SCAF8: variants seen among roughly 807,000 people sequenced by gnomAD.
The protein encoded by SCAF8 is SR-related and CTD-associated factor 8.
A neutral mutation model predicts 140.5 loss-of-function variants in SCAF8; 23 were observed. The observed-to-expected ratio is 0.16, with a 90% CI of 0.12 to 0.23. The LOEUF is 0.23. Among genes scored for constraint, SCAF8 ranks in the 10% least tolerant of loss-of-function variants. The pLI, the probability that SCAF8 is intolerant of heterozygous loss-of-function variation, is 1.00. For synonymous variants in SCAF8, 575 were observed against 528.9 expected (o/e 1.09, Z -1.20); for missense variants, 1,397 against 1,555.7 (o/e 0.90, Z 1.72).
chr6:154,807,130 C>T (rs1777941235), intron 9 of SCAF8, among the ~76,000 whole-genome samples: 1 of 152,140 alleles, frequency 6.6e-6, no homozygotes. Flanking sequence ...TGGTCTCTCT[C>T]TTAGCAGAAT....
At chr6:154,824,159 A>G (rs1367817581) in intron 16 of SCAF8, 75 bp from the exon 17 acceptor site, 13 of 1,431,422 alleles carry the variant, frequency 9.1e-6, no homozygotes, top group Admixed American at 1.9e-5. Context: ...AGAGAAATAG[A>G]ATAATTTGCC....
At position 154,810,163 on chromosome 6, in the gene SCAF8, C is replaced by A. The variant is rs1265646284; in HGVS notation, c.1375C>A (p.Arg459=). Residue 459 remains arginine, a synonymous_variant, in exon 12 of 20, where the codon CGA becomes AGA. Transcript: ENST00000367178. ...ERRAREREKE[R]QKKGLPPIRS... ...GAGAGCCAGAGAAAGGGAGAAAGAA[C>A]GACAGAAAAAGGGATTACCTCCAAT... is the stretch of plus-strand genomic sequence containing the variant. 2.5e-6 allele frequency: 4 copies of A among 1,610,894 alleles called. No individual in the cohort carries two copies. Among genetic ancestry groups the A allele is most frequent in the Admixed American group, 3.4e-5 (2 of 58,948 alleles).
At chr6:154,748,612 AAC>A (rs1318374122) in intron 1 of SCAF8, among the ~76,000 whole-genome samples, 6 of 152,120 alleles carry the variant, frequency 3.9e-5, no homozygotes, top group Admixed American at 2.0e-4. Context: ...GCTTTTCTTT[AAC>A]ATCAAGAAAT....
chr6:154,761,943 A>G (rs1776414048), intron 1 of SCAF8, among the ~76,000 whole-genome samples: 1 of 152,142 alleles, frequency 6.6e-6, no homozygotes. Context: ...TCTGTTATTT[A>G]CCTTTTACTC....
intron 5 of SCAF8, among the ~76,000 whole-genome samples, chr6:154,794,759 TG>T (rs1176203256): frequency 0.11 from 1,122 of 9,800 alleles, 79 homozygotes; most frequent in African/African-American, 0.21. Flanking sequence ...ATCCTTTTGG[TG>T]GGGGGGGGGG....
At chr6:154,775,789 A>C (rs1776900164) in intron 2 of SCAF8, among the ~76,000 whole-genome samples, 1 of 151,798 alleles carries the variant, frequency 6.6e-6, no homozygotes, top group Non-Finnish European at 1.5e-5. Flanking sequence ...GAGAATCTTT[A>C]TTATTATTAT....
At chr6:154,804,649 G>A (rs1009389909) in intron 8 of SCAF8, among the ~76,000 whole-genome samples, 3 of 152,104 alleles carry the variant, frequency 2.0e-5, no homozygotes, top group Admixed American at 6.5e-5. Flanking sequence ...TTCATTATTT[G>A]AAGACAGGTA....
intron 1 of SCAF8, among the ~76,000 whole-genome samples, chr6:154,736,979 A>C (rs1487443912): frequency 5.3e-5 from 8 of 152,052 alleles, no homozygotes; most frequent in Admixed American, 1.3e-4. Context: ...TTTTTTTTTT[A>C]AACACAAAAC....
chr6:154,827,201 G>C lies in SCAF8; in HGVS notation c.2101G>C (p.Val701Leu). Residue 701 changes from valine (V) to leucine (L), a missense_variant, in exon 18 of 20, where the codon GTT becomes CTT. Physicochemically the swap from Val to Leu is conservative, Grantham distance 32. Around this residue, in one of 5 missense-constraint regions of SCAF8, gnomAD observed 930 missense variants for 874.6 expected, o/e 1.06. Coordinates refer to ENST00000367178, the MANE Select transcript of SCAF8 (RefSeq NM_014892.5). ...CATGCCGCCTCCAGTTCCCCCACCT[G>C]TTGTGCCACCCCCTACGATTCCACC... ...GFMPPPVPPP[V>L]VPPPTIPPVV... The C allele has an allele frequency of 1.9e-6, 3 of 1,604,370 alleles. No individual in the cohort carries two copies. In the South Asian group the frequency reaches 3.4e-5, roughly 18 times the overall value.
chr6:154,753,722 G>T (rs1262223269), intron 1 of SCAF8, among the ~76,000 whole-genome samples: 2 of 152,204 alleles, frequency 1.3e-5, no homozygotes, highest in Admixed American at 6.5e-5. Flanking sequence ...GAATACGCTG[G>T]AAGGTGGCCT....
chr6:154,810,185 C>T lies in SCAF8; in HGVS notation c.1397C>T (p.Pro466Leu). ...EKERQKKGLPPIRSKTLSVCS... is the reference protein window; with the variant it reads ...EKERQKKGLPLIRSKTLSVCS... The stretch of plus-strand genomic sequence containing the variant: ...GAACGACAGAAAAAGGGATTACCTC[C>T]AATTAGATCTAAAACACTAAGTGGT... Residue 466 changes from proline (P) to leucine (L), a missense_variant, in exon 12 of 20, where the codon CCA (proline) becomes CTA (leucine). Transcript: ENST00000367178. 6.2e-7 allele frequency: 1 copy of T among 1,609,618 alleles called. No homozygotes were observed. The highest frequency in any genetic ancestry group is 1.1e-5 in the South Asian group (1 of 90,764).
intron 9 of SCAF8, among the ~76,000 whole-genome samples, chr6:154,807,680 G>A (rs1301029015): frequency 1.3e-5 from 2 of 152,156 alleles, no homozygotes; most frequent in African/African-American, 2.4e-5. Context: ...TGCCTGGCCT[G>A]TTTTTTCTTT....
At chr6:154,750,840 ATTT>A (rs935401109) in intron 1 of SCAF8, among the ~76,000 whole-genome samples, 3 of 151,788 alleles carry the variant, frequency 2.0e-5, no homozygotes, top group African/African-American at 7.3e-5. Context: ...CAATTCTGGT[ATTT>A]TTTTTGCAAA....
At chr6:154,781,032 C>T (rs776466732) in intron 3 of SCAF8, among the ~76,000 whole-genome samples, 4 of 152,028 alleles carry the variant, frequency 2.6e-5, no homozygotes, top group Admixed American at 1.3e-4. Flanking sequence ...TCACCAGCAT[C>T]GGTTGTTTCT....
At chr6:154,784,044 G>A (rs530844609) in intron 3 of SCAF8, among the ~76,000 whole-genome samples, 4 of 151,006 alleles carry the variant, frequency 2.6e-5, no homozygotes, top group African/African-American at 9.7e-5. Flanking sequence ...TCCAGCCTGG[G>A]TGACAGAGCG....
At chr6:154,773,776 A>T (rs780607206) in intron 1 of SCAF8, among the ~76,000 whole-genome samples, 3 of 152,170 alleles carry the variant, frequency 2.0e-5, no homozygotes, top group East Asian at 1.9e-4. Flanking sequence ...TACACTTGTT[A>T]CTGTCTTTTT....
At chr6:154,758,449 A>C (rs1310808739) in intron 1 of SCAF8, among the ~76,000 whole-genome samples, 1 of 152,110 alleles carries the variant, frequency 6.6e-6, no homozygotes, top group Non-Finnish European at 1.5e-5. Flanking sequence ...GCAGTGGTTT[A>C]CATGGATTGT....
At position 154,733,803 on chromosome 6, in the gene SCAF8, C is replaced by G; in HGVS notation, c.-98C>G. 2.1e-6 allele frequency: 3 copies of G among 1,433,748 alleles called. No individual in the cohort carries two copies. The highest frequency in any genetic ancestry group is 2.7e-6 in the Non-Finnish European group (3 of 1,095,784). The allele number at this position is 1,433,748 out of a possible 1,614,324, so 88.8% of individuals were successfully genotyped here. On this transcript the variant is annotated 5_prime_UTR_variant, in exon 1 of 20. Coordinates refer to ENST00000367178, the MANE Select transcript of SCAF8 (RefSeq NM_014892.5). ...GCCCGCTCTCCCGCCAGCGCCCCCTCCTCGCGGCCACGCAGCAGCCCGCGT... is the reference window on the plus strand; with the variant it reads ...GCCCGCTCTCCCGCCAGCGCCCCCTGCTCGCGGCCACGCAGCAGCCCGCGT...
At chr6:154,827,081 A>G (rs1444468659) in intron 17 of SCAF8, 91 bp from the exon 18 acceptor site, 8 of 1,042,310 alleles carry the variant, frequency 7.7e-6, no homozygotes, top group Middle Eastern at 2.0e-4. Context: ...CATTTTAAGA[A>G]TATGAAGTTT....
Sources: gnomAD v4.1 joint callset for allele counts (sites outside exome capture counted in the v4.1 genomes callset) on GRCh38, gnomAD v4.1.1 for gene constraint, gnomAD v4.1.1 regional missense constraint, MANE v1.5 for transcripts, NCBI Gene and HGNC (gene_info 2026-07-23, HGNC 2026-07-21) for gene names.